The following SEPTIN14 variants were observed in gnomAD, a reference collection of about 807,000 sequenced individuals.
SEPTIN14 encodes septin-14.
A neutral mutation model predicts 53.6 loss-of-function variants in SEPTIN14; 40 were observed. The ratio of observed to expected loss-of-function variants is 0.75; its 90% CI spans 0.58 to 0.97. The LOEUF is 0.97. Ranked by LOEUF, SEPTIN14 falls within the 50% of genes least tolerant of loss-of-function variation. The pLI is 0.00. For synonymous variants in SEPTIN14, 138 were observed against 166.8 expected, an observed-to-expected ratio of 0.83 and a Z score of 1.33; for missense variants, 471 against 508.2, an observed-to-expected ratio of 0.93 and a Z score of 0.70.
At chr7:55,826,227 G>A (rs543963868) in intron 6 of SEPTIN14, among the ~76,000 whole-genome samples, 14 of 152,116 alleles carry the variant, frequency 9.2e-5, no homozygotes, top group African/African-American at 3.1e-4. Flanking sequence ...ATACAATGTT[G>A]TATATTGTTA....
intron 6 of SEPTIN14, among the ~76,000 whole-genome samples, chr7:55,832,242 CACAA>C (rs951370002): frequency 1.7e-5 from 2 of 117,564 alleles, no homozygotes; most frequent in African/African-American, 6.6e-5. Flanking sequence ...CACACACACA[CACAA>C]AATAAGATAT....
intron 6 of SEPTIN14, among the ~76,000 whole-genome samples, chr7:55,831,095 C>T (rs1789102046): frequency 6.6e-6 from 1 of 151,916 alleles, no homozygotes. Flanking sequence ...AAAAAGCATT[C>T]AAATAGCCAA....
chr7:55,826,978 C>T (rs1788999841), intron 6 of SEPTIN14, among the ~76,000 whole-genome samples: 1 of 152,148 alleles, frequency 6.6e-6, no homozygotes, highest in Non-Finnish European at 1.5e-5. Flanking sequence ...TTTCTGCCAG[C>T]TGTGTGGGGG....
Position 55,846,594 on chromosome 7 carries a change from A to C in SEPTIN14, c.98T>G (p.Phe33Cys). 6.5e-7 allele frequency: 1 copy of C among 1,531,414 alleles called. No homozygotes were observed. The highest frequency in any genetic ancestry group is 9.0e-7 in the Non-Finnish European group (1 of 1,107,702). The allele number at this position is 1,531,414 out of a possible 1,614,324, so 94.9% of individuals were successfully genotyped here. A position where few individuals can be genotyped will look rare whatever the true frequency, so the allele number is the denominator to read the frequency against. Residue 33 changes from phenylalanine to cysteine, a missense_variant, in exon 3 of 10, where the codon TTT becomes TGT. By Grantham distance (205) the Phe-to-Cys change is radical. Transcript: ENST00000388975. ...NIRCLTTIGH[F>C]GFECLPNQLV... is the part of the protein sequence containing the mutation. ...CTGATTGGGCAAACATTCAAAACCA[A>C]AATGTCCAATCGTAGTTAAACAACG...
Position 55,834,879 on chromosome 7 carries a change from T to C in SEPTIN14, c.559-293A>G, listed in dbSNP as rs544039983. 2.6e-5 allele frequency among the ~76,000 whole-genome samples: 4 copies of C among 152,224 alleles called. No individual in the cohort carries two copies. In the South Asian group the frequency reaches 8.3e-4, roughly 32 times the overall value. On this transcript the variant is annotated intron_variant, in intron 5 of 9. Coordinates refer to ENST00000388975, the MANE Select transcript of SEPTIN14 (RefSeq NM_207366.3). ...CCAGGATGGTCTCAATCTCCTGACC[T>C]CGTGATCCGCCTGCCCCGGCCTCCC... is the stretch of plus-strand genomic sequence containing the variant.
At chr7:55,813,537 C>T (rs184353774) in intron 7 of SEPTIN14, among the ~76,000 whole-genome samples, 61 of 151,426 alleles carry the variant, frequency 4.0e-4, no homozygotes, top group African/African-American at 1.4e-3. Flanking sequence ...CAGTGCAGCC[C>T]GAAAAGAGAC....
At chr7:55,828,025 G>GA (rs879449792) in intron 6 of SEPTIN14, among the ~76,000 whole-genome samples, 110 of 133,392 alleles carry the variant, frequency 8.2e-4, no homozygotes, top group African/African-American at 9.6e-4. Flanking sequence ...GCATCATGAA[G>GA]AAAAAAAAAA....
intron 7 of SEPTIN14, chr7:55,811,327 C>T (rs562566289): frequency 2.9e-5 from 15 of 508,878 alleles, no homozygotes; most frequent in Non-Finnish European, 5.2e-5. Context: ...ACTTTGCAGT[C>T]GAAGTCTTTA....
chr7:55,829,830 A>AGATCTC (rs1789064076), intron 6 of SEPTIN14, among the ~76,000 whole-genome samples: 1 of 149,902 alleles, frequency 6.7e-6, no homozygotes, highest in Non-Finnish European at 1.5e-5. Flanking sequence ...CAAAAAAAAA[A>AGATCTC]AAAAAAAAAA....
intron 7 of SEPTIN14, among the ~76,000 whole-genome samples, chr7:55,817,480 T>TA (rs1562709424): frequency 6.8e-6 from 1 of 147,432 alleles, no homozygotes; most frequent in African/African-American, 2.6e-5. Flanking sequence ...ATATATATTT[T>TA]TTTTTTTTGA....
chr7:55,845,808 G>A (rs998219129), intron 3 of SEPTIN14, among the ~76,000 whole-genome samples: 1 of 151,564 alleles, frequency 6.6e-6, no homozygotes, highest in African/African-American at 2.4e-5. Context: ...CCAGCACTTT[G>A]GGAGGCTGAG....
At chr7:55,860,117 T>TGCA (rs1433672827) in intron 2 of SEPTIN14, among the ~76,000 whole-genome samples, 1 of 150,390 alleles carries the variant, frequency 6.6e-6, no homozygotes, top group African/African-American at 2.4e-5. Flanking sequence ...AGGCAGAGGT[T>TGCA]GCAGTGAGCT....
intron 6 of SEPTIN14, among the ~76,000 whole-genome samples, chr7:55,824,061 T>C (rs1788943171): frequency 6.6e-6 from 1 of 152,138 alleles, no homozygotes; most frequent in Non-Finnish European, 1.5e-5. Flanking sequence ...TAAAAGGAAA[T>C]GCAGGTGACT....
At chr7:55,856,224 T>C (rs1297398400) in intron 2 of SEPTIN14, among the ~76,000 whole-genome samples, 1 of 152,096 alleles carries the variant, frequency 6.6e-6, no homozygotes, top group Non-Finnish European at 1.5e-5. Context: ...CATATGTCTA[T>C]GAGTACCCAA....
chr7:55,818,755 T>C (rs141227772), intron 7 of SEPTIN14, among the ~76,000 whole-genome samples: 1 of 152,328 alleles, frequency 6.6e-6, no homozygotes, highest in Non-Finnish European at 1.5e-5. Context: ...TTATGTAACA[T>C]GTCTACACAC....
At position 55,846,065 on chromosome 7, in the gene SEPTIN14, G is replaced by GTATATATATATATATATATATATATATA. The variant is rs56306800; in HGVS notation, c.175+451_175+452insTATATATATATATATATATATATATATA. On this transcript the variant is annotated intron_variant, in intron 3 of 9. Coordinates refer to ENST00000388975, the MANE Select transcript of SEPTIN14 (RefSeq NM_207366.3). ...CTCCGTCTCAGAAAAAAAAAAAAAA[G>GTATATATATATATATATATATATATATA]TATATATATATATATATATATATAT... 3.3e-4 allele frequency among the ~76,000 whole-genome samples: 13 copies of GTATATATATATATATATATATATATATA among 39,736 alleles called. 1 individual carries two copies. The highest frequency in any genetic ancestry group is 8.2e-4 in the Admixed American group (2 of 2,448). 26.1% of individuals were successfully genotyped at this position (39,736 alleles called of 152,430 possible).
intron 6 of SEPTIN14, among the ~76,000 whole-genome samples, chr7:55,832,827 G>A (rs565038140): frequency 2.0e-5 from 3 of 151,960 alleles, no homozygotes; most frequent in Admixed American, 1.3e-4. Context: ...ACCAGCCAGG[G>A]CAACAGAGTG....
At chr7:55,809,861 C>G (rs1170404217) in intron 7 of SEPTIN14, among the ~76,000 whole-genome samples, 1 of 130,702 alleles carries the variant, frequency 7.7e-6, no homozygotes, top group Non-Finnish European at 1.6e-5. Context: ...GAGACAGAGT[C>G]TCACTCTGTT....
At chr7:55,858,649 A>G (rs1375863313) in intron 2 of SEPTIN14, among the ~76,000 whole-genome samples, 3 of 152,180 alleles carry the variant, frequency 2.0e-5, no homozygotes, top group African/African-American at 4.8e-5. Flanking sequence ...CACTAAAAAT[A>G]CAAAATTAGT....
Sources: allele counts gnomAD v4.1 joint callset (sites outside exome capture counted in the v4.1 genomes callset), GRCh38; gene constraint gnomAD v4.1.1; transcripts MANE v1.5; gene names NCBI Gene and HGNC (gene_info 2026-07-23, HGNC 2026-07-21).